Variants in KDM4C observed in about 807,000 individuals in gnomAD.
KDM4C encodes lysine-specific demethylase 4C.
KDM4C carries 81 observed loss-of-function variants against 129.3 expected under a neutral mutation model. The observed-to-expected ratio is 0.63, with a 90% CI of 0.52 to 0.75. The LOEUF is 0.75. Among genes scored for constraint, KDM4C ranks in the 30% least tolerant of loss-of-function variants. The pLI is 0.00. For synonymous variants in KDM4C, 573 were observed against 456.1 expected (o/e 1.26, Z -3.26); for missense variants, 1,457 against 1,304.0 (o/e 1.12, Z -1.81).
At chr9:7,170,412 G>A (rs1045471681) in intron 21 of KDM4C, 1 of 990,028 alleles carries the variant, frequency 1.0e-6, no homozygotes, top group Non-Finnish European at 1.2e-6. Flanking sequence ...GATAAACAAA[G>A]CCTAAATGCT....
At chr9:7,150,894 C>T (rs994796439) in intron 19 of KDM4C, among the ~76,000 whole-genome samples, 2 of 152,148 alleles carry the variant, frequency 1.3e-5, no homozygotes, top group African/African-American at 2.4e-5. Flanking sequence ...GAAAATATAC[C>T]TCTGAGGCTT....
intron 4 of KDM4C, among the ~76,000 whole-genome samples, chr9:6,835,863 A>G (rs1009657184): frequency 3.3e-5 from 5 of 152,122 alleles, no homozygotes; most frequent in Non-Finnish European, 7.3e-5. Flanking sequence ...GCATTGTTAC[A>G]GGAAGTTGTT....
Position 6,856,535 on chromosome 9 carries a change from TGTGC to T in KDM4C, c.629+6839_629+6842del, listed in dbSNP as rs1416360518. On this transcript the variant is annotated intron_variant, in intron 5 of 21. Coordinates refer to ENST00000381309, the MANE Select transcript of KDM4C (RefSeq NM_015061.6). ...TTAGTTTTAGGCATATCTCTCTCTG[TGTGC>T]GTGTGTGTGTGTGTGTGTGTGTGTG... Among the ~76,000 whole-genome samples, 645 of 130,302 alleles carry T rather than the reference TGTGC, an allele frequency of 5.0e-3. 5 individuals carry two copies. Among genetic ancestry groups the T allele is most frequent in the African/African-American group, 0.019 (597 of 31,448 alleles). 85.5% of individuals were successfully genotyped at this position (130,302 alleles called of 152,430 possible). A position where few individuals can be genotyped will look rare whatever the true frequency, so the allele number is the denominator to read the frequency against.
At chr9:7,015,829 T>TG in intron 14 of KDM4C, 24 bp from the exon 15 acceptor site, 1 of 1,529,136 alleles carries the variant, frequency 6.5e-7, no homozygotes, top group Non-Finnish European at 9.1e-7. Context: ...ACCTAACGCA[T>TG]GGATACATAC....
intron 1 of KDM4C, among the ~76,000 whole-genome samples, chr9:6,786,107 A>C (rs1214405047): frequency 6.6e-6 from 1 of 150,804 alleles, no homozygotes; most frequent in Non-Finnish European, 1.5e-5. Context: ...GTCAGTTTTT[A>C]CTCCTCCCAC....
chr9:6,876,543 G>C (rs1843586204), intron 5 of KDM4C, among the ~76,000 whole-genome samples: 1 of 152,162 alleles, frequency 6.6e-6, no homozygotes, highest in Non-Finnish European at 1.5e-5. Flanking sequence ...GAAAATATAT[G>C]CACCTTGCTG....
chr9:6,849,731 T>C (rs1018119203), intron 5 of KDM4C, 31 bp downstream of exon 5: 10 of 1,503,534 alleles, frequency 6.7e-6, no homozygotes, highest in African/African-American at 1.4e-5. Context: ...TCATTTACTT[T>C]GGAGTTTTGA....
chr9:6,845,657 A>T (rs1022245844), intron 4 of KDM4C, among the ~76,000 whole-genome samples: 1 of 152,194 alleles, frequency 6.6e-6, no homozygotes, highest in African/African-American at 2.4e-5. Context: ...CAGAAAACAG[A>T]TGCAGGATAC....
chr9:6,857,363 G>C (rs567008841), intron 5 of KDM4C, among the ~76,000 whole-genome samples: 34 of 152,228 alleles, frequency 2.2e-4, no homozygotes, highest in Admixed American at 1.1e-3. Context: ...AAAAAGTATG[G>C]TATTAGCTTT....
chr9:6,965,304 T>C (rs1819160370), intron 8 of KDM4C, among the ~76,000 whole-genome samples: 2 of 151,422 alleles, frequency 1.3e-5, no homozygotes, highest in African/African-American at 4.8e-5. Context: ...TATATATATA[T>C]ATTTGGATAT....
chr9:6,985,245 T>C (rs537664504), intron 10 of KDM4C, among the ~76,000 whole-genome samples: 1 of 152,354 alleles, frequency 6.6e-6, no homozygotes, highest in Admixed American at 6.5e-5. Flanking sequence ...AGCTTAGGTC[T>C]TGTGACTACC....
intron 19 of KDM4C, among the ~76,000 whole-genome samples, chr9:7,144,217 A>C (rs1343618955): frequency 1.3e-5 from 2 of 151,500 alleles, no homozygotes; most frequent in Non-Finnish European, 2.9e-5. Flanking sequence ...TCCCAAACTC[A>C]AACTTTGGGA....
intron 1 of KDM4C, among the ~76,000 whole-genome samples, chr9:6,776,309 G>T (rs1823023540): frequency 6.6e-6 from 1 of 152,100 alleles, no homozygotes; most frequent in Non-Finnish European, 1.5e-5. Context: ...CTGTTGCCAG[G>T]CTGGAGTGCA....
intron 8 of KDM4C, among the ~76,000 whole-genome samples, chr9:6,947,873 CTG>C (rs1312948669): frequency 6.6e-6 from 1 of 151,856 alleles, no homozygotes; most frequent in Non-Finnish European, 1.5e-5. Context: ...TGTATGAAAA[CTG>C]AGAACCATTG....
At chr9:6,876,266 G>A (rs1354845798) in intron 5 of KDM4C, among the ~76,000 whole-genome samples, 2 of 152,188 alleles carry the variant, frequency 1.3e-5, no homozygotes, top group Non-Finnish European at 2.9e-5. Flanking sequence ...AAAAGGCCGA[G>A]AAGTGATTTA....
chr9:7,079,224 A>G (rs140410068), intron 17 of KDM4C, among the ~76,000 whole-genome samples: 348 of 152,326 alleles, frequency 2.3e-3, no homozygotes, highest in African/African-American at 8.1e-3. Flanking sequence ...ACATGTAATA[A>G]AAAGCCAGAA....
chr9:6,986,414 A>G lies in KDM4C; in HGVS notation c.1425A>G (p.Arg475=). 6.2e-7 allele frequency: 1 copy of G among 1,613,976 alleles called. No individual in the cohort carries two copies. Among genetic ancestry groups the G allele is most frequent in the Non-Finnish European group, 8.5e-7 (1 of 1,179,870 alleles). ...KTEDDKAYAY[R]SVPSISSEAD... ...AGGATGACAAAGCTTATGCATATAG[A>G]AGTGTACCTTCTATATCCAGTGAGG... The change falls in exon 11 of 22, where the codon AGA becomes AGG. Residue 475 remains arginine (R), a synonymous_variant. Transcript: ENST00000381309.
intron 17 of KDM4C, among the ~76,000 whole-genome samples, chr9:7,089,920 C>T (rs1835597671): frequency 6.6e-6 from 1 of 152,238 alleles, no homozygotes; most frequent in Non-Finnish European, 1.5e-5. Context: ...AGCTGGGTTC[C>T]ATTCCTAAGC....
intron 8 of KDM4C, chr9:6,924,652 C>G (rs1441403996): frequency 1.8e-6 from 1 of 559,344 alleles, no homozygotes; most frequent in Non-Finnish European, 2.3e-6. Context: ...TCTGATTATT[C>G]CAACGTTGAA....
Sources: allele counts gnomAD v4.1 joint callset (sites outside exome capture counted in the v4.1 genomes callset), GRCh38; gene constraint gnomAD v4.1.1; transcripts MANE v1.5; gene names NCBI Gene and HGNC (gene_info 2026-07-23, HGNC 2026-07-21).